FGFR3: variants seen among roughly 807,000 people sequenced by gnomAD.
FGFR3 encodes FGFR-3.
Under a neutral mutation model 82.9 loss-of-function variants are expected in FGFR3, and 25 were observed. The ratio of observed to expected loss-of-function variants is 0.30; its 90% CI spans 0.22 to 0.42. FGFR3 has a LOEUF of 0.42. Among genes scored for constraint, FGFR3 ranks in the 10% least tolerant of loss-of-function variants. The probability of loss-of-function intolerance (pLI) is 1.00; values close to 1 mark genes in which losing one functional copy is unlikely to be tolerated. For missense variants in FGFR3, 1,026 were observed against 1,161.0 expected, an observed-to-expected ratio of 0.88 and a Z score of 1.69; for synonymous variants, 620 against 516.0, an observed-to-expected ratio of 1.20 and a Z score of -2.73.
At chr4:1,794,090 A>AGAG (rs1410813753) in intron 2 of FGFR3, 47 bp downstream of exon 2, 1 of 1,182,486 alleles carries the variant, frequency 8.5e-7, no homozygotes, top group African/African-American at 1.6e-5. Context: ...CCGTGCGGGC[A>AGAG]GAGGCGTTGG....
Position 1,806,247 on chromosome 4 carries a change from ACCCT to A in FGFR3, c.1960-6_1960-3del. On this transcript the variant is annotated splice_polypyrimidine_tract_variant and splice_region_variant and intron_variant, in intron 14 of 17. Coordinates refer to ENST00000440486, the MANE Select transcript of FGFR3 (RefSeq NM_000142.5). ...CCTGGCGCCAACACCGCCTTCCCAC[ACCCT>A]CCCAGGGCCGGCTGCCCGTGAAGTG... 1 of 1,612,434 alleles carries A rather than the reference ACCCT, an allele frequency of 6.2e-7. No individual in the cohort carries two copies. The highest frequency in any genetic ancestry group is 1.1e-5 in the South Asian group (1 of 91,052).
At chr4:1,803,421 G>A (rs774612148) in intron 7 of FGFR3, among the ~76,000 whole-genome samples, 1 of 152,152 alleles carries the variant, frequency 6.6e-6, no homozygotes, top group Non-Finnish European at 1.5e-5. Context: ...ACCTGCACCC[G>A]CCCGGCTCTG....
Position 1,807,730 on chromosome 4 carries a change from G to T in FGFR3, c.*468G>T, listed in dbSNP as rs767224419. On this transcript the variant is annotated 3_prime_UTR_variant, in exon 18 of 18. Coordinates refer to ENST00000440486, the MANE Select transcript of FGFR3 (RefSeq NM_000142.5). ...ACATGTCCAGCACCTTGTGCCTGGGGTGTTAGTGGCACCGCCTCCCCACCT... is the reference window on the plus strand; with the variant it reads ...ACATGTCCAGCACCTTGTGCCTGGGTTGTTAGTGGCACCGCCTCCCCACCT... 1 of 602,188 alleles carries T rather than the reference G, an allele frequency of 1.7e-6. No homozygotes were observed. The highest frequency in any genetic ancestry group is 1.9e-5 in the Admixed American group (1 of 53,680). 37.3% of individuals were successfully genotyped at this position (602,188 alleles called of 1,614,324 possible). A position where few individuals can be genotyped will look rare whatever the true frequency, so the allele number is the denominator to read the frequency against.
chr4:1,800,062 C>T (rs1310983324), intron 4 of FGFR3, among the ~76,000 whole-genome samples: 3 of 152,104 alleles, frequency 2.0e-5, no homozygotes, highest in Non-Finnish European at 4.4e-5. Context: ...GGCACAGGGC[C>T]CTGGGGGTTC....
rs374547489 is a variant in FGFR3 at position 1,807,258 on chromosome 4, C to T, written c.2417C>T (p.Thr806Met). The T allele has an allele frequency of 1.9e-5, 30 of 1,598,710 alleles. No individual in the cohort carries two copies. Among genetic ancestry groups the T allele is most frequent in the African/African-American group, 9.4e-5 (7 of 74,742 alleles). ...PAPPSSGGSRT is the reference protein window; with the variant it reads ...PAPPSSGGSRM The stretch of plus-strand genomic sequence containing the variant: ...CCACCCAGCAGTGGGGGCTCGCGGA[C>T]GTGAAGGGCCACTGGTCCCCAACAA... The change falls in exon 18 of 18, where the codon ACG (threonine) becomes ATG (methionine). Residue 806 changes from threonine (T) to methionine (M), a missense_variant. This residue lies in a region of FGFR3 where 155 missense variants were observed against 150.2 expected (regional missense o/e 1.03). Coordinates refer to ENST00000440486, the MANE Select transcript of FGFR3 (RefSeq NM_000142.5).
intron 4 of FGFR3, 103 bp downstream of exon 4, chr4:1,799,915 C>T (rs1720992711): frequency 1.0e-5 from 14 of 1,339,404 alleles, no homozygotes; most frequent in Non-Finnish European, 1.5e-5. Context: ...CCCGGAACAA[C>T]CTCCCTGGGG....
Position 1,807,178 on chromosome 4 carries a change from C to G in FGFR3, c.2337C>G (p.Ser779Arg), listed in dbSNP as rs776520979. 3 of 1,604,640 alleles carry G rather than the reference C, an allele frequency of 1.9e-6. No homozygotes were observed. Among genetic ancestry groups the G allele is most frequent in the Admixed American group, 1.7e-5 (1 of 59,228 alleles). ...QYSPGGQDTPSSSSSGDDSVF... is the reference protein window; with the variant it reads ...QYSPGGQDTPRSSSSGDDSVF... ...CCCCGGGTGGCCAGGACACCCCCAG[C>G]TCCAGCTCCTCAGGGGACGACTCCG... Residue 779 changes from serine (S) to arginine (R), a missense_variant, in exon 18 of 18, where the codon AGC becomes AGG. Ser to Arg is a moderately radical substitution (Grantham distance 110, BLOSUM62 -1). Transcript: ENST00000440486.
At chr4:1,803,996 G>A (rs1191187910) in intron 8 of FGFR3, among the ~76,000 whole-genome samples, 160 bp downstream of exon 8, 1 of 152,214 alleles carries the variant, frequency 6.6e-6, no homozygotes, top group Non-Finnish European at 1.5e-5. Flanking sequence ...GACAAAGTTG[G>A]CCTGGCCCGG....
chr4:1,801,869 G>C lies in FGFR3; in HGVS notation c.774G>C (p.Gly258=), dbSNP rs1396922514. The C allele has an allele frequency of 1.2e-6, 2 of 1,608,930 alleles. No homozygotes were observed. Among genetic ancestry groups the C allele is most frequent in the African/African-American group, 1.3e-5 (1 of 74,978 alleles). ...CGCACCGGCCCATCCTGCAGGCGGG[G>C]CTGCCGGCCAACCAGACGGCGGTGC... The part of the protein sequence containing the change: ...RSPHRPILQA[G]LPANQTAVLG... Residue 258 remains glycine, a synonymous_variant, in exon 7 of 18, where the codon GGG becomes GGC. Coordinates refer to ENST00000440486, the MANE Select transcript of FGFR3 (RefSeq NM_000142.5).
At chr4:1,797,404 A>G (rs1354767811) in intron 2 of FGFR3, among the ~76,000 whole-genome samples, 2 of 152,178 alleles carry the variant, frequency 1.3e-5, no homozygotes, top group Non-Finnish European at 2.9e-5. Flanking sequence ...GGGGGCAGTC[A>G]GGGCTGCACC....
chr4:1,807,011 G>C (rs1229615163), intron 17 of FGFR3, 77 bp downstream of exon 17: 1 of 1,551,394 alleles, frequency 6.4e-7, no homozygotes, highest in Non-Finnish European at 8.7e-7. Context: ...GCCCCCCAGA[G>C]TGCTGAGGTG....
Position 1,805,477 on chromosome 4 carries a change from G to T in FGFR3, c.1534+1G>T. 6.2e-7 allele frequency: 1 copy of T among 1,612,198 alleles called. No homozygotes were observed. Among genetic ancestry groups the T allele is most frequent in the South Asian group, 1.1e-5 (1 of 91,022 alleles). On this transcript the variant is annotated splice_donor_variant, in intron 11 of 17. Transcript: ENST00000440486. LOFTEE classifies it high-confidence loss of function. ...ACCGTAGCCGTGAAGATGCTGAAAG[G>T]TGAGGAGGGGGCGGCCAGGGGTGCA...
rs143328498 is a variant in FGFR3, at chr4:1,802,589, G to C, written c.930+564G>C. Among the ~76,000 whole-genome samples, 89 of 152,358 alleles carry C rather than the reference G, an allele frequency of 5.8e-4. 1 individual carries two copies. The highest frequency in any genetic ancestry group is 2.1e-3 in the African/African-American group (87 of 41,588). ...GGTCTCTTGGGGGCGGGGAGCAGGC[G>C]CAGGGCGAGGGTGGAGTCCAGACCC... is the stretch of plus-strand genomic sequence containing the variant. On this transcript the variant is annotated intron_variant, in intron 7 of 17. Coordinates refer to ENST00000440486, the MANE Select transcript of FGFR3 (RefSeq NM_000142.5).
In FGFR3 at chr4:1,800,970, G is replaced by A. The variant is rs568008570; in HGVS notation, c.446-397G>A. Reference sequence around the variant, plus strand: ...CTCCAAGGCTCCTGGCTCTGCAGGCGACTGGGCTCCTCTCCTGGTAAACTG... The same window carrying A: ...CTCCAAGGCTCCTGGCTCTGCAGGCAACTGGGCTCCTCTCCTGGTAAACTG... On this transcript the variant is annotated intron_variant, in intron 4 of 17. Transcript: ENST00000440486. Among the ~76,000 whole-genome samples, 21 of 152,264 alleles carry A rather than the reference G, an allele frequency of 1.4e-4. 1 individual carries two copies. In the South Asian group the frequency reaches 4.3e-3, roughly 32 times the overall value.
At chr4:1,799,688 G>T in intron 3 of FGFR3, 59 bp from the exon 4 acceptor site, 1 of 1,601,078 alleles carries the variant, frequency 6.2e-7, no homozygotes, top group Non-Finnish European at 8.5e-7. Flanking sequence ...TCTGGGAGGG[G>T]CACCTGGGGG....
At position 1,802,016 on chromosome 4, in the gene FGFR3, C is replaced by T. The variant is rs148518372; in HGVS notation, c.921C>T (p.Thr307=). The stretch of plus-strand genomic sequence containing the variant: ...GCCCGGACGGCACACCCTACGTTAC[C>T]GTGCTCAAGGTGGGCCACCGTGTGC... ...KVGPDGTPYV[T]VLKTAGANTT... Residue 307 remains threonine, a synonymous_variant, in exon 7 of 18, where the codon ACC becomes ACT. Coordinates refer to ENST00000440486, the MANE Select transcript of FGFR3 (RefSeq NM_000142.5). The T allele has an allele frequency of 1.3e-4, 214 of 1,611,740 alleles. No individual in the cohort carries two copies. The highest frequency in any genetic ancestry group is 1.6e-4 in the Middle Eastern group (1 of 6,082).
intron 7 of FGFR3, 77 bp from the exon 8 acceptor site, chr4:1,803,615 A>G (rs2108792635): frequency 6.4e-7 from 1 of 1,565,590 alleles, no homozygotes; most frequent in Non-Finnish European, 8.7e-7. Flanking sequence ...CAGCGGCTGG[A>G]TCCTGCCGTG....
chr4:1,805,286 G>A, intron 10 of FGFR3, 69 bp from the exon 11 acceptor site: 1 of 1,598,200 alleles, frequency 6.3e-7, no homozygotes, highest in Non-Finnish European at 8.5e-7. Context: ...GCCAGGCTGG[G>A]GTGGGGACCG....
rs2108817655 is a variant in FGFR3, at chr4:1,807,177, GC to G, written c.2337del (p.Ser780ProfsTer40). ...QYSPGGQDTP[S>X]SSSSGDDSVF... ...TCCCCGGGTGGCCAGGACACCCCCA[GC>G]TCCAGCTCCTCAGGGGACGACTCCG... On this transcript the variant is annotated frameshift_variant, in exon 18 of 18. Transcript: ENST00000440486. LOFTEE classifies it low-confidence loss of function (END_TRUNC). 1 of 1,604,370 alleles carries G rather than the reference GC, an allele frequency of 6.2e-7. No individual in the cohort carries two copies. Among genetic ancestry groups the G allele is most frequent in the Non-Finnish European group, 8.5e-7 (1 of 1,176,198 alleles).
Sources: allele counts gnomAD v4.1 joint callset (sites outside exome capture counted in the v4.1 genomes callset), GRCh38; gene constraint gnomAD v4.1.1; regional missense constraint gnomAD v4.1.1; transcripts MANE v1.5; gene names NCBI Gene and HGNC (gene_info 2026-07-23, HGNC 2026-07-21).